Variants in ZDHHC15 observed in about 807,000 individuals in gnomAD.
The protein encoded by ZDHHC15 is palmitoyltransferase ZDHHC15.
A neutral mutation model predicts 31.7 loss-of-function variants in ZDHHC15; 19 were observed. That is an observed-to-expected ratio of 0.60 (90% CI 0.42 to 0.88). The LOEUF (loss-of-function observed/expected upper bound fraction) is 0.88, where lower values mean the gene tolerates loss of function less well. Ranked by LOEUF, ZDHHC15 falls within the 40% of genes least tolerant of loss-of-function variation. The probability of loss-of-function intolerance (pLI) is 0.00; values close to 1 mark genes in which losing one functional copy is unlikely to be tolerated. For missense variants in ZDHHC15, 209 were observed against 251.2 expected (o/e 0.83, Z 1.14); for synonymous variants, 103 against 90.0 (o/e 1.14, Z -0.82).
intron 2 of ZDHHC15, among the ~76,000 whole-genome samples, chrX:75,494,135 A>G (rs1365300123): frequency 9.0e-6 from 1 of 111,307 alleles, no homozygotes; most frequent in African/African-American, 3.3e-5. Context: ...CTTATACACC[A>G]ATAACAGACA....
At chrX:75,427,506 G>T (rs1375739015) in intron 7 of ZDHHC15, among the ~76,000 whole-genome samples, 2 of 111,383 alleles carry the variant, frequency 1.8e-5, no homozygotes, top group East Asian at 5.6e-4. Flanking sequence ...TGTTTATTTT[G>T]TTACAAGGGT....
intron 3 of ZDHHC15, among the ~76,000 whole-genome samples, chrX:75,466,632 T>C (rs777584220): frequency 9.0e-6 from 1 of 110,846 alleles, no homozygotes; most frequent in African/African-American, 3.3e-5. Context: ...AGCAAAGACA[T>C]GAAATCAACC....
intron 9 of ZDHHC15, among the ~76,000 whole-genome samples, chrX:75,419,865 C>G (rs1328600871): frequency 4.0e-5 from 4 of 100,017 alleles, no homozygotes; most frequent in Non-Finnish European, 8.0e-5. Flanking sequence ...AACCAAATAC[C>G]GCATGTTCTC....
chrX:75,401,734 T>G (rs1031883389), intron 10 of ZDHHC15, among the ~76,000 whole-genome samples: 3 of 111,803 alleles, frequency 2.7e-5, no homozygotes, highest in South Asian at 3.7e-4. Flanking sequence ...GTATCCAGAT[T>G]CATAAAGCAA....
intron 2 of ZDHHC15, among the ~76,000 whole-genome samples, chrX:75,485,936 CA>C (rs1199210887): frequency 1.3e-4 from 14 of 111,908 alleles, no homozygotes; most frequent in African/African-American, 4.2e-4. Flanking sequence ...AGACAGGAGA[CA>C]AAACTAATGT....
chrX:75,508,451 T>C (rs1368783738), intron 1 of ZDHHC15, among the ~76,000 whole-genome samples: 4 of 108,342 alleles, frequency 3.7e-5, no homozygotes, highest in Non-Finnish European at 7.7e-5. Flanking sequence ...TCCAGCTTCA[T>C]CCATGTCCCT....
At chrX:75,518,559 G>A (rs944353002) in intron 1 of ZDHHC15, among the ~76,000 whole-genome samples, 6 of 107,240 alleles carry the variant, frequency 5.6e-5, no homozygotes, top group Admixed American at 1.0e-4. Flanking sequence ...CAGTCACTGC[G>A]GAAGATAGTT....
At chrX:75,406,324 T>A (rs1183006120) in intron 10 of ZDHHC15, among the ~76,000 whole-genome samples, 1 of 110,579 alleles carries the variant, frequency 9.0e-6, no homozygotes, top group Non-Finnish European at 1.9e-5. Flanking sequence ...ACCAAATTAG[T>A]AGAAGGAAAG....
At chrX:75,442,096 G>A (rs955517668) in intron 4 of ZDHHC15, among the ~76,000 whole-genome samples, 1 of 112,340 alleles carries the variant, frequency 8.9e-6, no homozygotes, top group African/African-American at 3.2e-5. Context: ...ACGGTGCCCA[G>A]ATATTTGATT....
At chrX:75,394,711 C>T (rs1316228038) in intron 10 of ZDHHC15, among the ~76,000 whole-genome samples, 1 of 111,023 alleles carries the variant, frequency 9.0e-6, no homozygotes, top group Non-Finnish European at 1.9e-5. Context: ...ACTGGAACAC[C>T]CAGAGGTATA....
intron 1 of ZDHHC15, among the ~76,000 whole-genome samples, chrX:75,518,194 T>G (rs1339231921): frequency 1.8e-5 from 2 of 111,418 alleles, no homozygotes; most frequent in Non-Finnish European, 3.8e-5. Context: ...CTATCAAGTA[T>G]GGGGGAAAAT....
intron 10 of ZDHHC15, among the ~76,000 whole-genome samples, chrX:75,408,799 A>C (rs2083449063): frequency 8.9e-6 from 1 of 112,657 alleles, no homozygotes. Flanking sequence ...ATGCACACCA[A>C]CAACAAACAA....
rs2082990012 is a variant in ZDHHC15, at chrX:75,369,803, T to C, written c.*3175A>G. ...TTTCAGAATGTGATCCTGTTGTAAT[T>C]ACTCTCAAAATTCTAACTGCTCCAT... On this transcript the variant is annotated 3_prime_UTR_variant, in exon 12 of 12. Coordinates refer to ENST00000373367, the MANE Select transcript of ZDHHC15 (RefSeq NM_144969.3). The C allele has an allele frequency of 8.9e-6, 1 of 112,151 alleles. No homozygotes were observed. The allele number at this position is 112,151 out of a possible 1,213,427, so 9.2% of individuals were successfully genotyped here.
intron 10 of ZDHHC15, among the ~76,000 whole-genome samples, chrX:75,415,769 A>G (rs1250283965): frequency 2.7e-5 from 3 of 112,639 alleles, no homozygotes; most frequent in African/African-American, 9.7e-5. Flanking sequence ...AATATTTTTG[A>G]AAAGGTCTGG....
intron 10 of ZDHHC15, among the ~76,000 whole-genome samples, chrX:75,401,291 C>T (rs1285837927): frequency 9.0e-6 from 1 of 110,688 alleles, no homozygotes; most frequent in Non-Finnish European, 1.9e-5. Context: ...GAAAAACACA[C>T]TTAAACACAC....
At chrX:75,425,542 G>T (rs183248591) in intron 7 of ZDHHC15, among the ~76,000 whole-genome samples, 2 of 112,186 alleles carry the variant, frequency 1.8e-5, no homozygotes, top group Non-Finnish European at 3.8e-5. Context: ...TGTAACATGC[G>T]CAGCATGTAA....
intron 3 of ZDHHC15, among the ~76,000 whole-genome samples, chrX:75,473,647 C>T (rs946801271): frequency 2.7e-5 from 3 of 111,330 alleles, no homozygotes; most frequent in East Asian, 2.8e-4. Flanking sequence ...TACTCCACAA[C>T]GGAGGTAAGA....
In ZDHHC15 at chrX:75,371,136, C is replaced by A. The variant is rs185072903; in HGVS notation, c.*1842G>T. 15 of 111,673 alleles carry A rather than the reference C, an allele frequency of 1.3e-4. No individual in the cohort carries two copies. In the East Asian group the frequency reaches 3.9e-3, roughly 29 times the overall value. The allele number at this position is 111,673 out of a possible 1,213,427, so 9.2% of individuals were successfully genotyped here. A position where few individuals can be genotyped will look rare whatever the true frequency, so the allele number is the denominator to read the frequency against. On this transcript the variant is annotated 3_prime_UTR_variant, in exon 12 of 12. Transcript: ENST00000373367. ...TGCTGTGTAGTAAGTAAAGGCCATACATGTAGAAAAAGGTGCATATCTATA... is the reference window on the plus strand; with the variant it reads ...TGCTGTGTAGTAAGTAAAGGCCATAAATGTAGAAAAAGGTGCATATCTATA...
At chrX:75,459,311 C>T (rs2084275873) in intron 3 of ZDHHC15, among the ~76,000 whole-genome samples, 1 of 111,640 alleles carries the variant, frequency 9.0e-6, no homozygotes, top group African/African-American at 3.3e-5. Context: ...TGTCATTCTG[C>T]AGGCTCCACT....
Sources: allele counts gnomAD v4.1 joint callset (sites outside exome capture counted in the v4.1 genomes callset), GRCh38; gene constraint gnomAD v4.1.1; transcripts MANE v1.5; gene names NCBI Gene and HGNC (gene_info 2026-07-23, HGNC 2026-07-21).